KCTD1: variants seen among roughly 807,000 people sequenced by gnomAD.
KCTD1 encodes potassium channel tetramerization domain containing 1, also known as BTB/POZ domain-containing protein KCTD1.
In KCTD1, 24 loss-of-function variants were observed where a neutral mutation model predicts 66.0. The observed-to-expected ratio is 0.36, with a 90% CI of 0.26 to 0.51. The LOEUF (loss-of-function observed/expected upper bound fraction) is 0.51. Ranked by LOEUF, KCTD1 falls within the 20% of genes least tolerant of loss-of-function variation. The pLI, the probability that KCTD1 is intolerant of heterozygous loss-of-function variation, is 0.95. For missense variants in KCTD1, 943 were observed against 1,205.2 expected, an observed-to-expected ratio of 0.78 and a Z score of 3.22; for synonymous variants, 511 against 517.2, an observed-to-expected ratio of 0.99 and a Z score of 0.16.
intron 1 of KCTD1, among the ~76,000 whole-genome samples, chr18:26,542,381 C>T (rs1239373366): frequency 2.6e-5 from 4 of 152,124 alleles, no homozygotes; most frequent in South Asian, 4.1e-4. Flanking sequence ...TAAGTAAAAT[C>T]GATTCTACAA....
At chr18:26,485,787 T>C (rs7229697) in intron 2 of KCTD1, among the ~76,000 whole-genome samples, 74,109 of 151,878 alleles carry the variant, frequency 0.49, 20,216 homozygotes, top group East Asian at 0.84. Flanking sequence ...TCTGATACAC[T>C]CCTTAGTCTC....
At chr18:26,640,933 G>A (rs996087045), upstream of KCTD1, among the ~76,000 whole-genome samples, 1 of 152,148 alleles carries the variant, frequency 6.6e-6, no homozygotes, top group South Asian at 2.1e-4. Flanking sequence ...GGATGGTATC[G>A]TGGGATCTAG....
At chr18:26,495,746 G>A (rs1460527934) in intron 2 of KCTD1, among the ~76,000 whole-genome samples, 1 of 152,022 alleles carries the variant, frequency 6.6e-6, no homozygotes, top group Admixed American at 6.6e-5. Flanking sequence ...TTACCTCTAG[G>A]TCATTGGTTG....
chr18:26,549,216 T>TGGC (rs771961301), upstream of KCTD1: 33 of 985,682 alleles, frequency 3.3e-5, no homozygotes, highest in Middle Eastern at 5.1e-4. Flanking sequence ...GGGATGGGGC[T>TGGC]GGCGGCGGCG....
intron 1 of KCTD1, among the ~76,000 whole-genome samples, chr18:26,570,191 A>AAATATATATATATATATATAT (rs776923644): frequency 2.3e-5 from 3 of 132,548 alleles, no homozygotes; most frequent in East Asian, 2.4e-4. Context: ...ATCTAAAAAA[A>AAATATATATATATATATATAT]ATATATATAT....
intron 1 of KCTD1, among the ~76,000 whole-genome samples, chr18:26,605,655 C>A (rs1280819342): frequency 6.6e-6 from 1 of 152,052 alleles, no homozygotes; most frequent in Non-Finnish European, 1.5e-5. Context: ...TCTACTTGAA[C>A]TTTTTGCTCA....
chr18:26,506,600 T>G (rs1046765777), intron 1 of KCTD1, among the ~76,000 whole-genome samples: 2 of 152,208 alleles, frequency 1.3e-5, no homozygotes, highest in Non-Finnish European at 2.9e-5. Flanking sequence ...GAAGCTTGTA[T>G]GTTGATCTGT....
chr18:26,521,786 G>A (rs892136464), intron 1 of KCTD1, among the ~76,000 whole-genome samples: 1 of 152,192 alleles, frequency 6.6e-6, no homozygotes, highest in African/African-American at 2.4e-5. Context: ...CCAGTGGCAG[G>A]AAGCAGAGCA....
chr18:26,656,480 T>G (rs890602676), intron 1 of KCTD1, among the ~76,000 whole-genome samples: 1 of 141,776 alleles, frequency 7.1e-6, no homozygotes, highest in African/African-American at 2.6e-5. Context: ...TGGGAGGGAG[T>G]GGGAGGGGGC....
chr18:26,515,509 C>CTT (rs11389627), intron 1 of KCTD1, among the ~76,000 whole-genome samples: 14,284 of 133,028 alleles, frequency 0.11, 1,220 homozygotes, highest in African/African-American at 0.22. Context: ...CCTCTTTTTT[C>CTT]TTTTTTTTTT....
At chr18:26,556,183 A>G (rs955814521) in intron 1 of KCTD1, among the ~76,000 whole-genome samples, 8 of 152,188 alleles carry the variant, frequency 5.3e-5, no homozygotes, top group Non-Finnish European at 1.0e-4. Context: ...GGTTTGTTCT[A>G]TTTCTTTAAT....
intron 1 of KCTD1, among the ~76,000 whole-genome samples, chr18:26,646,764 G>C (rs1191221863): frequency 6.6e-6 from 1 of 152,088 alleles, no homozygotes; most frequent in Admixed American, 6.5e-5. Flanking sequence ...CTAAAATATT[G>C]AGCTTTTTAA....
intron 1 of KCTD1, among the ~76,000 whole-genome samples, chr18:26,636,739 G>A (rs1987732174): frequency 6.6e-6 from 1 of 152,160 alleles, no homozygotes; most frequent in African/African-American, 2.4e-5. Context: ...GCAGCCTGGC[G>A]AGCGGCTTGA....
chr18:26,516,144 G>C (rs1983644671), intron 1 of KCTD1, among the ~76,000 whole-genome samples: 7 of 152,112 alleles, frequency 4.6e-5, no homozygotes, highest in Admixed American at 4.6e-4. Flanking sequence ...TGGTGTGGGA[G>C]GGAGTGAGAA....
At chr18:26,542,816 T>A (rs1985036903) in intron 1 of KCTD1, among the ~76,000 whole-genome samples, 1 of 152,206 alleles carries the variant, frequency 6.6e-6, no homozygotes, top group Admixed American at 6.5e-5. Flanking sequence ...TGGGTCAGCT[T>A]GAGTACAGAG....
intron 1 of KCTD1, among the ~76,000 whole-genome samples, chr18:26,539,867 A>AT (rs1984892740): frequency 6.6e-6 from 1 of 152,204 alleles, no homozygotes; most frequent in South Asian, 2.1e-4. Context: ...AAAATGAAGG[A>AT]TTTTTTCAAA....
At chr18:26,463,077 A>C (rs953920429) in intron 3 of KCTD1, among the ~76,000 whole-genome samples, 2 of 152,214 alleles carry the variant, frequency 1.3e-5, no homozygotes, top group Admixed American at 6.5e-5. Context: ...CTGAGAAATA[A>C]GCTTTCAGCA....
intron 1 of KCTD1, among the ~76,000 whole-genome samples, chr18:26,604,522 G>C (rs1483817283): frequency 1.3e-5 from 2 of 152,082 alleles, no homozygotes; most frequent in African/African-American, 4.8e-5. Context: ...TGTCTATAAA[G>C]AAAATGTGGT....
At chr18:26,622,146 A>T (rs1206298174) in intron 1 of KCTD1, among the ~76,000 whole-genome samples, 1 of 152,200 alleles carries the variant, frequency 6.6e-6, no homozygotes, top group East Asian at 1.9e-4. Context: ...TATGGCTTGC[A>T]AACTGTCTAA....
Sources: allele counts gnomAD v4.1 joint callset (sites outside exome capture counted in the v4.1 genomes callset), GRCh38; gene constraint gnomAD v4.1.1; transcripts MANE v1.5; gene names NCBI Gene and HGNC (gene_info 2026-07-23, HGNC 2026-07-21).